Variants in PLCB4 observed in about 807,000 individuals in gnomAD.
The protein encoded by PLCB4 is phospholipase C beta 4, also known as 1-phosphatidylinositol 4,5-bisphosphate phosphodiesterase beta-4.
In PLCB4, 77 loss-of-function variants were observed where a neutral mutation model predicts 178.8. The ratio of observed to expected loss-of-function variants is 0.43; its 90% CI spans 0.36 to 0.52. The LOEUF is 0.52. Ranked by LOEUF, PLCB4 falls within the 20% of genes least tolerant of loss-of-function variation. The pLI, the probability that PLCB4 is intolerant of heterozygous loss-of-function variation, is 0.00. For missense variants in PLCB4, 1,024 were observed against 1,453.4 expected, an observed-to-expected ratio of 0.70 and a Z score of 4.80; for synonymous variants, 496 against 490.8, an observed-to-expected ratio of 1.01 and a Z score of -0.14.
intron 2 of PLCB4, among the ~76,000 whole-genome samples, chr20:9,179,740 G>A (rs2093215490): frequency 6.6e-6 from 1 of 152,266 alleles, no homozygotes; most frequent in Non-Finnish European, 1.5e-5. Flanking sequence ...GTGAATGAGA[G>A]AAAGCTGTTA....
chr20:9,374,617 T>C (rs896490531), intron 12 of PLCB4, among the ~76,000 whole-genome samples: 1 of 152,172 alleles, frequency 6.6e-6, no homozygotes, highest in Non-Finnish European at 1.5e-5. Context: ...TCTTGTGTTC[T>C]TTGGGATGAA....
At chr20:9,286,562 G>A (rs761201807) in intron 3 of PLCB4, among the ~76,000 whole-genome samples, 6 of 152,014 alleles carry the variant, frequency 3.9e-5, no homozygotes, top group Non-Finnish European at 7.4e-5. Context: ...CAGTTGTGTG[G>A]CCAATCACTT....
At chr20:9,422,280 A>T (rs1318483194) in intron 27 of PLCB4, among the ~76,000 whole-genome samples, 4 of 152,228 alleles carry the variant, frequency 2.6e-5, no homozygotes, top group Non-Finnish European at 5.9e-5. Flanking sequence ...ATTTCAGAAT[A>T]GAGTAACTGG....
chr20:9,082,452 A>C (rs1283227252), intron 1 of PLCB4, among the ~76,000 whole-genome samples: 1 of 152,158 alleles, frequency 6.6e-6, no homozygotes, highest in Non-Finnish European at 1.5e-5. Flanking sequence ...CCCCTCCCCA[A>C]GCTTGGAGCA....
rs533813556 is a variant in PLCB4 at position 9,087,068 on chromosome 20, A to G, written c.-134-9219A>G. ...CAACTTATTTGTGTGTTTCCGTTTA[A>G]AATGTGTCTCTTTGTAGAGAGCATA... On this transcript the variant is annotated intron_variant, in intron 1 of 39. Coordinates refer to ENST00000378473, the MANE Select transcript of PLCB4 (RefSeq NM_001377142.1). Among the ~76,000 whole-genome samples the G allele has an allele frequency of 3.9e-5, 6 of 152,314 alleles. No homozygotes were observed. The East Asian group carries it at 1.2e-3, about 29-fold the overall frequency.
intron 7 of PLCB4, among the ~76,000 whole-genome samples, chr20:9,353,877 G>A (rs1478342177): frequency 6.6e-6 from 1 of 152,094 alleles, no homozygotes; most frequent in African/African-American, 2.4e-5. Flanking sequence ...TTCTGTACTG[G>A]CCCAAGTCAT....
intron 2 of PLCB4, among the ~76,000 whole-genome samples, chr20:9,210,313 G>T (rs1028227158): frequency 3.9e-5 from 6 of 152,126 alleles, no homozygotes; most frequent in Non-Finnish European, 8.8e-5. Context: ...TCTCGGGAGG[G>T]GAAATGAATG....
intron 3 of PLCB4, among the ~76,000 whole-genome samples, chr20:9,221,727 A>G (rs2093801044): frequency 6.6e-6 from 1 of 152,170 alleles, no homozygotes; most frequent in Admixed American, 6.5e-5. Flanking sequence ...TTCTACATAT[A>G]TTAGAGTTTT....
rs117004147 is a variant in PLCB4, at chr20:9,270,418, G to A, written c.-15-37382G>A. Among the ~76,000 whole-genome samples the A allele has an allele frequency of 2.1e-3, 327 of 152,218 alleles. No individual in the cohort carries two copies. The Middle Eastern group carries it at 0.024, about 11-fold the overall frequency. ...GCTTTGCCTTTTCCAGAATGTCATG[G>A]AAAGGTAATCATACAATGTGTATTG... On this transcript the variant is annotated intron_variant, in intron 3 of 39. Transcript: ENST00000378473.
intron 2 of PLCB4, among the ~76,000 whole-genome samples, chr20:9,143,929 A>G (rs1005731611): frequency 2.2e-4 from 34 of 152,124 alleles, no homozygotes; most frequent in Non-Finnish European, 4.7e-4. Context: ...GGATGCTTTT[A>G]TAAATGAGAA....
chr20:9,205,807 T>G (rs550260367), intron 2 of PLCB4, among the ~76,000 whole-genome samples: 58 of 152,334 alleles, frequency 3.8e-4, no homozygotes, highest in African/African-American at 1.3e-3. Context: ...GAACCATTAA[T>G]CTGTTCTTTA....
At chr20:9,081,312 T>C (rs933524689) in intron 1 of PLCB4, among the ~76,000 whole-genome samples, 6 of 152,246 alleles carry the variant, frequency 3.9e-5, no homozygotes, top group Non-Finnish European at 8.8e-5. Context: ...TCAGGATTAA[T>C]TTGTTTTCCT....
At chr20:9,437,249 C>A (rs576721818) in intron 30 of PLCB4, 97 bp downstream of exon 30, 2 of 1,145,644 alleles carry the variant, frequency 1.7e-6, no homozygotes, top group Admixed American at 2.7e-5. Context: ...ATTCGAAGTT[C>A]TTTGTGGGAA....
At chr20:9,383,682 A>G (rs1212633324) in intron 13 of PLCB4, among the ~76,000 whole-genome samples, 2 of 152,236 alleles carry the variant, frequency 1.3e-5, no homozygotes, top group African/African-American at 2.4e-5. Flanking sequence ...CAGAAGCACC[A>G]TCATCTCCAA....
chr20:9,358,596 T>A (rs1010579338), intron 7 of PLCB4, among the ~76,000 whole-genome samples: 3 of 152,140 alleles, frequency 2.0e-5, no homozygotes, highest in African/African-American at 7.2e-5. Flanking sequence ...AGTGAAAGCT[T>A]AGAAATGCCA....
intron 2 of PLCB4, among the ~76,000 whole-genome samples, chr20:9,196,076 TAAGTA>T (rs2093468421): frequency 6.6e-6 from 1 of 152,194 alleles, no homozygotes; most frequent in African/African-American, 2.4e-5. Context: ...CTCTTGATGT[TAAGTA>T]AAGGACTGGT....
chr20:9,283,407 G>A (rs1174280500), intron 3 of PLCB4, among the ~76,000 whole-genome samples: 3 of 151,890 alleles, frequency 2.0e-5, no homozygotes, highest in Non-Finnish European at 4.4e-5. Flanking sequence ...TCAACTCTTA[G>A]GTGTCTGAAG....
chr20:9,152,056 A>G (rs2092700749), intron 2 of PLCB4, among the ~76,000 whole-genome samples: 1 of 152,106 alleles, frequency 6.6e-6, no homozygotes. Flanking sequence ...GAGAGATAAT[A>G]TACGGTATCT....
chr20:9,405,242 T>C, intron 20 of PLCB4, 71 bp from the exon 21 acceptor site: 1 of 722,806 alleles, frequency 1.4e-6, no homozygotes, highest in Non-Finnish European at 2.4e-6. Flanking sequence ...AATATCTATG[T>C]ATGTATGGCT....
Sources: gnomAD v4.1 joint callset for allele counts (sites outside exome capture counted in the v4.1 genomes callset) on GRCh38, gnomAD v4.1.1 for gene constraint, MANE v1.5 for transcripts, NCBI Gene and HGNC (gene_info 2026-07-23, HGNC 2026-07-21) for gene names.